The following AKAP6 variants were observed in gnomAD, a reference collection of about 807,000 sequenced individuals.
The protein encoded by AKAP6 is A-kinase anchor protein 6.
In AKAP6, 58 loss-of-function variants were observed where a neutral mutation model predicts 188.5. The ratio of observed to expected loss-of-function variants is 0.31; its 90% CI spans 0.25 to 0.38. The LOEUF is 0.38. AKAP6 is among the 10% of genes least tolerant of loss of function. AKAP6 has a pLI of 1.00. For missense variants in AKAP6, 2,710 were observed against 2,740.0 expected, an observed-to-expected ratio of 0.99 and a Z score of 0.24; for synonymous variants, 989 against 998.6, an observed-to-expected ratio of 0.99 and a Z score of 0.18.
intron 7 of AKAP6, among the ~76,000 whole-genome samples, chr14:32,647,877 A>G (rs560907809): frequency 6.6e-6 from 1 of 152,216 alleles, no homozygotes; most frequent in East Asian, 1.9e-4. Flanking sequence ...AAACAATTCA[A>G]AGTATCATAT....
intron 1 of AKAP6, among the ~76,000 whole-genome samples, chr14:32,431,557 G>C (rs1890226330): frequency 6.6e-6 from 1 of 152,034 alleles, no homozygotes; most frequent in Non-Finnish European, 1.5e-5. Flanking sequence ...GCCCAGGCTA[G>C]AGTGCAATGG....
At position 32,773,681 on chromosome 14, in the gene AKAP6, C is replaced by G. The variant is rs762417930; in HGVS notation, c.3376C>G (p.Leu1126Val). 5 of 1,613,792 alleles carry G rather than the reference C, an allele frequency of 3.1e-6. No homozygotes were observed. The East Asian group carries it at 1.1e-4, about 36-fold the overall frequency. ...TEKQLQYFKS[L>V]CREIKQRRRG... ...TTGGTTTCTCTCTATGTTGCAGTCC[C>G]TCTGTCGTGAAATCAAGCAACGACG... Residue 1126 changes from leucine (L) to valine (V), a missense_variant, in exon 12 of 14, where the codon CTC becomes GTC. This residue lies in a region of AKAP6 where 2,473 missense variants were observed against 2,426.1 expected (regional missense o/e 1.02). Coordinates refer to ENST00000280979, the MANE Select transcript of AKAP6 (RefSeq NM_004274.5).
At chr14:32,385,838 G>A (rs1039307379) in intron 1 of AKAP6, among the ~76,000 whole-genome samples, 2 of 149,096 alleles carry the variant, frequency 1.3e-5, no homozygotes, top group Admixed American at 6.7e-5. Context: ...GATATATATA[G>A]TATTCATCAT....
intron 2 of AKAP6, among the ~76,000 whole-genome samples, chr14:32,519,846 A>C (rs997253296): frequency 1.1e-4 from 17 of 152,126 alleles, no homozygotes; most frequent in South Asian, 2.1e-4. Flanking sequence ...CCAAGCAGAC[A>C]TAATAGACAT....
intron 2 of AKAP6, among the ~76,000 whole-genome samples, chr14:32,491,339 A>C (rs1358900958): frequency 1.3e-5 from 2 of 152,286 alleles, no homozygotes. Flanking sequence ...GCTTAGGTCT[A>C]ACTGTTATAA....
At chr14:32,634,184 A>G (rs1887393809) in intron 7 of AKAP6, among the ~76,000 whole-genome samples, 1 of 152,052 alleles carries the variant, frequency 6.6e-6, no homozygotes, top group Non-Finnish European at 1.5e-5. Context: ...TGAACAAGTT[A>G]CTCAACCTAT....
chr14:32,752,092 T>C (rs1003686833), intron 11 of AKAP6, among the ~76,000 whole-genome samples: 22 of 152,332 alleles, frequency 1.4e-4, no homozygotes, highest in African/African-American at 5.1e-4. Flanking sequence ...TTTGAAATAT[T>C]ATATAAATGG....
intron 12 of AKAP6, among the ~76,000 whole-genome samples, chr14:32,804,239 G>A (rs548770878): frequency 2.6e-5 from 4 of 152,146 alleles, no homozygotes; most frequent in African/African-American, 9.7e-5. Context: ...ACTTCCAGCT[G>A]TTCTCTACAC....
intron 7 of AKAP6, among the ~76,000 whole-genome samples, chr14:32,652,820 A>G (rs542182639): frequency 6.6e-6 from 1 of 152,300 alleles, no homozygotes; most frequent in East Asian, 1.9e-4. Context: ...TGGGAGGCCA[A>G]GGTGGGAGGA....
At chr14:32,525,507 T>G (rs1882075140) in intron 2 of AKAP6, among the ~76,000 whole-genome samples, 1 of 152,192 alleles carries the variant, frequency 6.6e-6, no homozygotes, top group Non-Finnish European at 1.5e-5. Flanking sequence ...CTTCCAAGAC[T>G]GTATTCTGCA....
chr14:32,460,714 GAC>G (rs1400201120), intron 2 of AKAP6, among the ~76,000 whole-genome samples: 1 of 152,234 alleles, frequency 6.6e-6, no homozygotes, highest in East Asian at 1.9e-4. Flanking sequence ...ATGCCTGAGA[GAC>G]AGAACAGCTC....
chr14:32,633,076 CT>C (rs1887344887), intron 7 of AKAP6, among the ~76,000 whole-genome samples: 1 of 151,962 alleles, frequency 6.6e-6, no homozygotes, highest in South Asian at 2.1e-4. Flanking sequence ...TCTCTGTTTA[CT>C]TTTTTCTAAT....
intron 9 of AKAP6, among the ~76,000 whole-genome samples, chr14:32,713,091 A>G (rs2029983729): frequency 1.3e-5 from 2 of 152,106 alleles, no homozygotes; most frequent in African/African-American, 4.8e-5. Context: ...TGAAAACAGT[A>G]GTAATCTCCT....
intron 11 of AKAP6, among the ~76,000 whole-genome samples, chr14:32,742,988 C>G (rs1279416476): frequency 6.6e-6 from 1 of 151,986 alleles, no homozygotes; most frequent in Non-Finnish European, 1.5e-5. Context: ...CCAGCTATTA[C>G]TGTGTTGGGG....
chr14:32,708,988 C>G (rs1346078326), intron 9 of AKAP6, among the ~76,000 whole-genome samples: 1 of 152,002 alleles, frequency 6.6e-6, no homozygotes, highest in Non-Finnish European at 1.5e-5. Context: ...CTCATGTTAA[C>G]TTAAGTATAA....
intron 1 of AKAP6, among the ~76,000 whole-genome samples, chr14:32,411,198 A>T (rs532136784): frequency 6.6e-6 from 1 of 152,194 alleles, no homozygotes; most frequent in African/African-American, 2.4e-5. Flanking sequence ...AATGCACAGG[A>T]CAGCTCTCCA....
At chr14:32,536,637 G>C (rs897577565) in intron 3 of AKAP6, among the ~76,000 whole-genome samples, 49 of 151,992 alleles carry the variant, frequency 3.2e-4, no homozygotes, top group African/African-American at 1.2e-3. Flanking sequence ...ATGGACATTA[G>C]AATATTATAC....
At chr14:32,547,330 A>C (rs1254453549) in intron 4 of AKAP6, among the ~76,000 whole-genome samples, 5 of 152,238 alleles carry the variant, frequency 3.3e-5, no homozygotes, top group Non-Finnish European at 2.9e-5. Context: ...AGCTGTGCAC[A>C]CACAAGTAGC....
intron 9 of AKAP6, among the ~76,000 whole-genome samples, chr14:32,727,054 G>A (rs959852299): frequency 6.6e-6 from 1 of 151,904 alleles, no homozygotes; most frequent in Admixed American, 6.6e-5. Flanking sequence ...TCAAATTTAT[G>A]GAAATATCTA....
Sources: gnomAD v4.1 joint callset for allele counts (sites outside exome capture counted in the v4.1 genomes callset) on GRCh38, gnomAD v4.1.1 for gene constraint, gnomAD v4.1.1 regional missense constraint, MANE v1.5 for transcripts, NCBI Gene and HGNC (gene_info 2026-07-23, HGNC 2026-07-21) for gene names.